The following FOCAD variants were observed in gnomAD, a reference collection of about 807,000 sequenced individuals.
FOCAD encodes focadhesin.
In FOCAD, 198 loss-of-function variants were observed where a neutral mutation model predicts 225.6. That is an observed-to-expected ratio of 0.88 (90% CI 0.78 to 0.99). FOCAD has a LOEUF of 0.99. Ranked by LOEUF, FOCAD falls within the 50% of genes least tolerant of loss-of-function variation. The probability of loss-of-function intolerance (pLI) is 0.00; values close to 1 mark genes in which losing one functional copy is unlikely to be tolerated. For missense variants in FOCAD, 2,713 were observed against 2,123.6 expected (o/e 1.28, Z -5.46); for synonymous variants, 897 against 755.0 (o/e 1.19, Z -3.08).
At chr9:20,807,877 C>T (rs1822631222) in intron 11 of FOCAD, among the ~76,000 whole-genome samples, 1 of 152,200 alleles carries the variant, frequency 6.6e-6, no homozygotes, top group African/African-American at 2.4e-5. Flanking sequence ...CAGTGAAACC[C>T]TGTCTCTAAT....
At chr9:20,748,515 G>C (rs1042560866) in intron 5 of FOCAD, among the ~76,000 whole-genome samples, 4 of 151,954 alleles carry the variant, frequency 2.6e-5, no homozygotes, top group East Asian at 1.9e-4. Flanking sequence ...TTTTACATAT[G>C]GTTTCAGAGG....
intron 22 of FOCAD, among the ~76,000 whole-genome samples, chr9:20,911,062 G>T (rs1833399215): frequency 6.6e-6 from 1 of 152,064 alleles, no homozygotes; most frequent in Non-Finnish European, 1.5e-5. Flanking sequence ...TATAGGAAAT[G>T]TTTTAGGAGT....
At chr9:20,913,786 T>C (rs1833642631) in intron 23 of FOCAD, among the ~76,000 whole-genome samples, 1 of 152,202 alleles carries the variant, frequency 6.6e-6, no homozygotes, top group African/African-American at 2.4e-5. Context: ...GGGTTTTGTA[T>C]CCTATTTGCT....
intron 11 of FOCAD, among the ~76,000 whole-genome samples, chr9:20,813,211 A>G (rs1823275603): frequency 6.6e-6 from 1 of 152,124 alleles, no homozygotes; most frequent in Non-Finnish European, 1.5e-5. Context: ...TTAAAGACTA[A>G]ATAATATTCC....
Position 20,834,884 on chromosome 9 carries a change from A to G in FOCAD, c.1920+11769A>G, listed in dbSNP as rs532669452. Among the ~76,000 whole-genome samples the G allele has an allele frequency of 5.8e-4, 88 of 152,256 alleles. 1 individual carries two copies. The highest frequency in any genetic ancestry group is 3.4e-3 in the Middle Eastern group (1 of 294). The stretch of plus-strand genomic sequence containing the variant: ...AAACTATATAACATTAGTATGAAAA[A>G]GTAAAATATCTTATTGATAATGTTT... On this transcript the variant is annotated intron_variant, in intron 15 of 43. Coordinates refer to ENST00000338382, the MANE Select transcript of FOCAD (RefSeq NM_001375567.1).
chr9:20,730,147 G>A (rs1826558970), intron 4 of FOCAD, among the ~76,000 whole-genome samples: 1 of 152,026 alleles, frequency 6.6e-6, no homozygotes, highest in Non-Finnish European at 1.5e-5. Flanking sequence ...TTCTTAGGTG[G>A]GATTGTGTTC....
intron 24 of FOCAD, among the ~76,000 whole-genome samples, chr9:20,920,128 C>G (rs181560069): frequency 3.9e-5 from 6 of 152,180 alleles, no homozygotes; most frequent in Non-Finnish European, 7.3e-5. Flanking sequence ...AAAAAACAGA[C>G]AACCCCATCA....
intron 15 of FOCAD, among the ~76,000 whole-genome samples, chr9:20,843,779 C>T (rs771764955): frequency 2.0e-4 from 31 of 152,156 alleles, no homozygotes; most frequent in Middle Eastern, 3.4e-3. Context: ...TAATGAAATA[C>T]GCATATATTC....
intron 7 of FOCAD, among the ~76,000 whole-genome samples, chr9:20,769,022 T>A (rs528205550): frequency 6.6e-6 from 1 of 152,180 alleles, no homozygotes; most frequent in South Asian, 2.1e-4. Context: ...CAAGGAAATA[T>A]ATTGTCAAGT....
At chr9:20,957,482 T>TTTTTTTTTTTTTTTC (rs1838280918) in intron 35 of FOCAD, 3 of 115,748 alleles carry the variant, frequency 2.6e-5, no homozygotes, top group Non-Finnish European at 5.4e-5. Flanking sequence ...TCTTTTCTTT[T>TTTTTTTTTTTTTTTC]TTTTTTTTTT....
intron 30 of FOCAD, 61 bp from the exon 31 acceptor site, chr9:20,948,210 A>T (rs904613071): frequency 4.8e-6 from 7 of 1,465,552 alleles, no homozygotes; most frequent in Non-Finnish European, 5.5e-6. Flanking sequence ...ATTTATAAAC[A>T]TTCTAAATCT....
chr9:20,981,154 T>A (rs1840660810), intron 37 of FOCAD, among the ~76,000 whole-genome samples: 1 of 152,168 alleles, frequency 6.6e-6, no homozygotes, highest in Non-Finnish European at 1.5e-5. Flanking sequence ...CTTGAAAACA[T>A]CCAAGGTTTA....
chr9:20,981,692 G>A lies in FOCAD; in HGVS notation c.4638+6G>A, dbSNP rs1840715052. The A allele has an allele frequency of 6.3e-7, 1 of 1,597,008 alleles. No homozygotes were observed. Among genetic ancestry groups the A allele is most frequent in the South Asian group, 1.1e-5 (1 of 88,760 alleles). The stretch of plus-strand genomic sequence containing the variant: ...TCCTGCCAAATAAGATTCGGGTGAG[G>A]AACAAAAATATTTACATTCCTGACA... On this transcript the variant is annotated splice_donor_region_variant and intron_variant, in intron 38 of 43. Transcript: ENST00000338382.
At chr9:20,729,708 T>G (rs1826512182) in intron 4 of FOCAD, among the ~76,000 whole-genome samples, 1 of 152,148 alleles carries the variant, frequency 6.6e-6, no homozygotes, top group Non-Finnish European at 1.5e-5. Flanking sequence ...TCCTCTGCAC[T>G]GGAACTGAAT....
At chr9:20,697,756 C>T (rs971108402) in intron 1 of FOCAD, among the ~76,000 whole-genome samples, 1 of 152,168 alleles carries the variant, frequency 6.6e-6, no homozygotes, top group Non-Finnish European at 1.5e-5. Context: ...TACTGTAGTT[C>T]AAGCAATTAA....
upstream of FOCAD, among the ~76,000 whole-genome samples, chr9:20,681,281 G>A (rs145199421): frequency 4.9e-4 from 75 of 152,184 alleles, no homozygotes; most frequent in East Asian, 9.6e-3. Flanking sequence ...TAATAGAGAT[G>A]GGGCGGGGGC....
intron 15 of FOCAD, among the ~76,000 whole-genome samples, chr9:20,839,672 T>C (rs936831602): frequency 2.6e-5 from 4 of 152,024 alleles, no homozygotes; most frequent in Non-Finnish European, 5.9e-5. Context: ...TTAATGTTTA[T>C]GGGTACATAA....
At chr9:20,744,446 G>C (rs1350072942) in intron 5 of FOCAD, among the ~76,000 whole-genome samples, 1 of 152,196 alleles carries the variant, frequency 6.6e-6, no homozygotes, top group Non-Finnish European at 1.5e-5. Context: ...ATTAGGCATA[G>C]ATATTTAAAT....
rs778238064 is a variant in FOCAD, at chr9:20,981,440, A to G, written c.4392A>G (p.Arg1464=). The part of the protein sequence containing the change: ...LIHSLSLNTK[R]YLLISAPLWI... ...TTTACTTCCAGCTGAATACCAAGAG[A>G]TATCTCCTGATATCTGCACCTCTGT... is the stretch of plus-strand genomic sequence containing the variant. Residue 1464 remains arginine (R), a synonymous_variant, in exon 38 of 44, where the codon AGA becomes AGG. Transcript: ENST00000338382. 1.7e-5 allele frequency: 28 copies of G among 1,614,098 alleles called. No homozygotes were observed. The highest frequency in any genetic ancestry group is 2.1e-5 in the Non-Finnish European group (25 of 1,179,946).
Sources: allele counts gnomAD v4.1 joint callset (sites outside exome capture counted in the v4.1 genomes callset), GRCh38; gene constraint gnomAD v4.1.1; transcripts MANE v1.5; gene names NCBI Gene and HGNC (gene_info 2026-07-23, HGNC 2026-07-21).